Variants in DNHD1 observed in about 807,000 individuals in gnomAD.
DNHD1 encodes dynein heavy chain domain 1.
Under a neutral mutation model 458.1 loss-of-function variants are expected in DNHD1, and 383 were observed. That is an observed-to-expected ratio of 0.84 (90% CI 0.77 to 0.91). The LOEUF is 0.91. Ranked by LOEUF, DNHD1 falls within the 40% of genes least tolerant of loss-of-function variation. The probability of loss-of-function intolerance (pLI) is 0.00; values close to 1 mark genes in which losing one functional copy is unlikely to be tolerated. For missense variants in DNHD1, 5,336 were observed against 5,866.1 expected, an observed-to-expected ratio of 0.91 and a Z score of 2.95; for synonymous variants, 2,203 against 2,376.9, an observed-to-expected ratio of 0.93 and a Z score of 2.13.
At chr11:6,512,251 C>A (rs549687446) in intron 7 of DNHD1, among the ~76,000 whole-genome samples, 1 of 107,346 alleles carries the variant, frequency 9.3e-6, no homozygotes, top group South Asian at 3.1e-4. Context: ...GACGGAGTCT[C>A]GCTCTGTCAC....
At chr11:6,517,755 C>T (rs1852514528) in intron 7 of DNHD1, among the ~76,000 whole-genome samples, 1 of 140,262 alleles carries the variant, frequency 7.1e-6, no homozygotes, top group African/African-American at 2.6e-5. Context: ...GACTCCACCT[C>T]ATAATACCGT....
chr11:6,544,837 C>T lies in DNHD1; in HGVS notation c.3898C>T (p.Arg1300Cys), dbSNP rs142039183. Residue 1300 changes from arginine (R) to cysteine (C), a missense_variant, in exon 21 of 43, where the codon CGC becomes TGC. Around this residue, in one of 4 missense-constraint regions of DNHD1, gnomAD observed 3,932 missense variants for 4,365.6 expected, o/e 0.90. Transcript: ENST00000254579. ...GGATGACCAGTATCGAACCCTGATGCGCATCTCTGTAGCTGACCCCATGGT... is the reference window on the plus strand; with the variant it reads ...GGATGACCAGTATCGAACCCTGATGTGCATCTCTGTAGCTGACCCCATGGT... ...VMDDQYRTLM[R>C]ISVADPMVLS... 1.6e-5 allele frequency: 25 copies of T among 1,551,668 alleles called. No homozygotes were observed. In the Admixed American group the frequency reaches 3.3e-4, roughly 21 times the overall value.
At chr11:6,563,671 C>T in intron 30 of DNHD1, 22 bp from the exon 31 acceptor site, 4 of 1,543,334 alleles carry the variant, frequency 2.6e-6, no homozygotes, top group Non-Finnish European at 3.5e-6. Flanking sequence ...CTTCCCCATC[C>T]CGTTAACATA....
intron 39 of DNHD1, 27 bp downstream of exon 39, chr11:6,568,893 C>T: frequency 8.2e-6 from 13 of 1,583,070 alleles, no homozygotes; most frequent in South Asian, 1.2e-5. Context: ...CATTCCTGCT[C>T]AGTCAATCAC....
chr11:6,569,921 G>A (rs1170856874), intron 39 of DNHD1, 88 bp from the exon 40 acceptor site: 3 of 1,137,104 alleles, frequency 2.6e-6, no homozygotes, highest in Non-Finnish European at 3.9e-6. Flanking sequence ...CCGAAGCTCA[G>A]GAGAGAGGTT....
chr11:6,515,724 G>T (rs1331017978), intron 7 of DNHD1, among the ~76,000 whole-genome samples: 2 of 149,624 alleles, frequency 1.3e-5, no homozygotes, highest in Non-Finnish European at 3.0e-5. Context: ...CAACCTAAAA[G>T]AATATGTATT....
At chr11:6,509,634 C>T (rs2038501517) in intron 6 of DNHD1, among the ~76,000 whole-genome samples, 1 of 152,118 alleles carries the variant, frequency 6.6e-6, no homozygotes, top group South Asian at 2.1e-4. Context: ...TGTGTAATGT[C>T]AGATCTGGGG....
Position 6,567,305 on chromosome 11 carries a change from C to G in DNHD1, c.11796C>G (p.Pro3932=), listed in dbSNP as rs781703749. Residue 3932 remains proline, a synonymous_variant, in exon 36 of 43, where the codon CCC becomes CCG. Transcript: ENST00000254579. ...TVTALGLTQV[P]LVGALGALAL... is the part of the protein sequence containing the mutation. ...CTGCACTGGGCCTTACCCAAGTACC[C>G]TTGGTGGGTGCATTGGGCGCTTTGG... 7 of 1,614,068 alleles carry G rather than the reference C, an allele frequency of 4.3e-6. No individual in the cohort carries two copies. In the Admixed American group the frequency reaches 1.2e-4, roughly 27 times the overall value.
chr11:6,509,060 C>T lies in DNHD1; in HGVS notation c.1101C>T (p.Cys367=). Residue 367 remains cysteine, a synonymous_variant, in exon 5 of 43, where the codon TGC becomes TGT. Coordinates refer to ENST00000254579, the MANE Select transcript of DNHD1 (RefSeq NM_144666.3). ...AGTTCATTCCATTCTTTAAGTATTG[C>T]CTCTTACGCAAGTCCTTTACCTGGT... is the stretch of plus-strand genomic sequence containing the variant. ...QLQFIPFFKY[C]LLRKSFTCWK... 6.2e-7 allele frequency: 1 copy of T among 1,614,196 alleles called. No individual in the cohort carries two copies. Among genetic ancestry groups the T allele is most frequent in the Non-Finnish European group, 8.5e-7 (1 of 1,180,040 alleles).
rs934084142 is a variant in DNHD1, at chr11:6,558,988, C to T, written c.9298C>T (p.His3100Tyr). ...TATCCACCTTTCGGCCACCCACTACCATGAGCACCTGTGCCCTGCATTGCC... is the reference window on the plus strand; with the variant it reads ...TATCCACCTTTCGGCCACCCACTACTATGAGCACCTGTGCCCTGCATTGCC... ...ALIHLSATHY[H>Y]EHLCPALPLV... is the part of the protein sequence containing the mutation. The change falls in exon 27 of 43, where the codon CAT becomes TAT. Residue 3100 changes from histidine to tyrosine, a missense_variant. By Grantham distance (83) the His-to-Tyr change is moderately conservative. Transcript: ENST00000254579. 6.4e-7 allele frequency: 1 copy of T among 1,551,624 alleles called. No individual in the cohort carries two copies. Among genetic ancestry groups the T allele is most frequent in the Non-Finnish European group, 8.7e-7 (1 of 1,147,004 alleles).
Position 6,544,159 on chromosome 11 carries a change from C to G in DNHD1, c.3667C>G (p.Gln1223Glu). ...GCAGGATTCCATCCAGGAAAGTCTT[C>G]AGGTGTTGTCCAAGATCTTGGCCAT... is the stretch of plus-strand genomic sequence containing the variant. ...NLQDSIQESL[Q>E]VLSKILAIEK... The change falls in exon 19 of 43, where the codon CAG becomes GAG. Residue 1223 changes from glutamine to glutamate, a missense_variant. By Grantham distance (29) the Gln-to-Glu change is conservative (BLOSUM62 2). Around this residue, in one of 4 missense-constraint regions of DNHD1, gnomAD observed 3,932 missense variants for 4,365.6 expected, o/e 0.90. Coordinates refer to ENST00000254579, the MANE Select transcript of DNHD1 (RefSeq NM_144666.3). 1 of 1,551,606 alleles carries G rather than the reference C, an allele frequency of 6.4e-7. No individual in the cohort carries two copies. The highest frequency in any genetic ancestry group is 8.7e-7 in the Non-Finnish European group (1 of 1,146,952).
rs1027119212 is a variant in DNHD1 at position 6,570,983 on chromosome 11, G to C, written c.13471G>C (p.Glu4491Gln). 7 of 1,604,132 alleles carry C rather than the reference G, an allele frequency of 4.4e-6. No homozygotes were observed. Among genetic ancestry groups the C allele is most frequent in the Non-Finnish European group, 5.1e-6 (6 of 1,172,602 alleles). ...LEGVLETEAL[E>Q]LSQLVGTLQR... ...GGGCGTCTTAGAGACCGAGGCTCTA[G>C]AACTGAGCCAGTTGGTGGGCACGCT... Residue 4491 changes from glutamate to glutamine, a missense_variant, in exon 42 of 43, where the codon GAA becomes CAA. Glu to Gln is a conservative substitution (Grantham distance 29). Around this residue, in one of 4 missense-constraint regions of DNHD1, gnomAD observed 698 missense variants for 664.9 expected, o/e 1.05. Transcript: ENST00000254579.
rs1321333906 is a variant in DNHD1, at chr11:6,564,496, C to T, written c.10448C>T (p.Ala3483Val). 1 of 1,551,714 alleles carries T rather than the reference C, an allele frequency of 6.4e-7. No individual in the cohort carries two copies. The highest frequency in any genetic ancestry group is 8.7e-7 in the Non-Finnish European group (1 of 1,146,980). ...GAGGCTCTGGGCCCAGATGATGTGG[C>T]ACAGGCACTGAAGCGGAAGCAAAAA... ...FQEALGPDDV[A>V]QALKRKQKSV... Residue 3483 changes from alanine (A) to valine (V), a missense_variant, in exon 32 of 43, where the codon GCA (alanine) becomes GTA (valine). Transcript: ENST00000254579.
intron 10 of DNHD1, 70 bp from the exon 11 acceptor site, chr11:6,528,452 A>T: frequency 1.4e-6 from 2 of 1,458,008 alleles, no homozygotes; most frequent in Non-Finnish European, 1.8e-6. Context: ...CACTGAGGGC[A>T]AGGAGAAAGG....
intron 32 of DNHD1, among the ~76,000 whole-genome samples, chr11:6,565,089 C>G (rs1853669962): frequency 6.6e-6 from 1 of 152,160 alleles, no homozygotes; most frequent in South Asian, 2.1e-4. Context: ...GGGAATATTT[C>G]TGTTGGCTCT....
At chr11:6,528,847 C>T (rs1189618162) in intron 11 of DNHD1, 31 bp from the exon 12 acceptor site, 1 of 1,550,796 alleles carries the variant, frequency 6.4e-7, no homozygotes, top group East Asian at 2.4e-5. Context: ...TAGCCGCATG[C>T]CTCTGCCCTA....
chr11:6,527,773 A>G (rs775671731), intron 10 of DNHD1, among the ~76,000 whole-genome samples: 29 of 152,250 alleles, frequency 1.9e-4, no homozygotes, highest in Non-Finnish European at 4.1e-4. Context: ...TGTGGATAGT[A>G]TGGCTCTTAT....
At chr11:6,532,711 G>A (rs1852852607) in intron 12 of DNHD1, among the ~76,000 whole-genome samples, 1 of 152,004 alleles carries the variant, frequency 6.6e-6, no homozygotes, top group South Asian at 2.1e-4. Context: ...CTGGCTGAAG[G>A]CTCCAGGCAC....
chr11:6,511,343 C>A lies in DNHD1; in HGVS notation c.1306C>A (p.Leu436Met). Residue 436 changes from leucine to methionine, a missense_variant, in exon 7 of 43, where the codon CTG becomes ATG. By Grantham distance (15) the Leu-to-Met change is conservative. Transcript: ENST00000254579. ...ELDRCYELLDLQTALAEEKHK... is the reference protein window; with the variant it reads ...ELDRCYELLDMQTALAEEKHK... ...GGATCGGTGCTATGAGCTGCTGGAC[C>A]TGCAGACGGCTCTAGCCGAGGAGAA... The A allele has an allele frequency of 6.2e-7, 1 of 1,614,240 alleles. No individual in the cohort carries two copies. The highest frequency in any genetic ancestry group is 1.1e-5 in the South Asian group (1 of 91,088).
Sources: gnomAD v4.1 joint callset for allele counts (sites outside exome capture counted in the v4.1 genomes callset) on GRCh38, gnomAD v4.1.1 for gene constraint, gnomAD v4.1.1 regional missense constraint, MANE v1.5 for transcripts, NCBI Gene and HGNC (gene_info 2026-07-23, HGNC 2026-07-21) for gene names.